Variants in RORB observed in about 807,000 individuals in gnomAD.
The protein encoded by RORB is nuclear receptor ROR-beta.
RORB carries 6 observed loss-of-function variants against 59.1 expected under a neutral mutation model. The ratio of observed to expected loss-of-function variants is 0.10; its 90% CI spans 0.06 to 0.20. The LOEUF (loss-of-function observed/expected upper bound fraction) is 0.20, where lower values mean the gene tolerates loss of function less well. Ranked by LOEUF, RORB falls within the 10% of genes least tolerant of loss-of-function variation. The pLI is 1.00. For synonymous variants in RORB, 215 were observed against 204.5 expected (o/e 1.05, Z -0.44); for missense variants, 320 against 560.5 (o/e 0.57, Z 4.33).
intron 1 of RORB, among the ~76,000 whole-genome samples, chr9:74,569,299 G>A (rs1240894983): frequency 6.6e-6 from 1 of 151,920 alleles, no homozygotes; most frequent in East Asian, 1.9e-4. Context: ...TACATGAGAT[G>A]CTTTTTTTAA....
At chr9:74,571,781 A>G (rs1822555927) in intron 1 of RORB, among the ~76,000 whole-genome samples, 1 of 152,152 alleles carries the variant, frequency 6.6e-6, no homozygotes. Flanking sequence ...GCAGATGTTA[A>G]ATATAGCCCT....
intron 8 of RORB, 45 bp downstream of exon 8, chr9:74,667,946 AC>A (rs750883541): frequency 8.4e-7 from 1 of 1,186,542 alleles, no homozygotes; most frequent in Non-Finnish European, 1.3e-6. Context: ...AACTTGTTTT[AC>A]TATTTTTAAC....
chr9:74,677,710 A>C (rs554238365), intron 9 of RORB, among the ~76,000 whole-genome samples: 224 of 152,302 alleles, frequency 1.5e-3, no homozygotes, highest in African/African-American at 5.0e-3. Flanking sequence ...CCTGAGCATT[A>C]CCTTCAGCTT....
intron 1 of RORB, among the ~76,000 whole-genome samples, chr9:74,609,563 C>A (rs568932204): frequency 1.3e-5 from 2 of 152,278 alleles, no homozygotes; most frequent in South Asian, 2.1e-4. Flanking sequence ...AATAAACATA[C>A]AATTGATAGC....
chr9:74,504,921 C>A (rs1825849890), intron 1 of RORB, among the ~76,000 whole-genome samples: 1 of 151,882 alleles, frequency 6.6e-6, no homozygotes, highest in Non-Finnish European at 1.5e-5. Flanking sequence ...ATATAGAATT[C>A]TTCTTTTAAA....
At chr9:74,604,892 G>A (rs1277351716) in intron 1 of RORB, among the ~76,000 whole-genome samples, 1 of 152,146 alleles carries the variant, frequency 6.6e-6, no homozygotes, top group Non-Finnish European at 1.5e-5. Context: ...TGAACAACTA[G>A]TAAGTGTTAA....
chr9:74,681,853 T>TA (rs1301356111), intron 9 of RORB, among the ~76,000 whole-genome samples: 1 of 152,196 alleles, frequency 6.6e-6, no homozygotes, highest in Non-Finnish European at 1.5e-5. Flanking sequence ...TCACAGTTAG[T>TA]AAAATAAGCA....
intron 1 of RORB, among the ~76,000 whole-genome samples, chr9:74,534,153 G>T (rs1826287902): frequency 6.6e-6 from 1 of 151,960 alleles, no homozygotes; most frequent in Non-Finnish European, 1.5e-5. Context: ...AAATGGCGAG[G>T]TTCATATACG....
At chr9:74,629,578 T>C (rs1357662802) in intron 1 of RORB, among the ~76,000 whole-genome samples, 1 of 152,172 alleles carries the variant, frequency 6.6e-6, no homozygotes, top group African/African-American at 2.4e-5. Context: ...TCAACAAAAA[T>C]GCCTTCATCT....
At position 74,497,880 on chromosome 9, in the gene RORB, C is replaced by T. The variant is rs1825735609; in HGVS notation, c.-97C>T. ...CTCGGCAGAGCAGCTCTTCGCCGAC[C>T]ACCTTCTTCACTCGTGCTGAGCGGG... On this transcript the variant is annotated 5_prime_UTR_variant, in exon 1 of 10. Coordinates refer to ENST00000376896, the MANE Select transcript of RORB (RefSeq NM_006914.4). 6.8e-7 allele frequency: 1 copy of T among 1,467,034 alleles called. No individual in the cohort carries two copies. The highest frequency in any genetic ancestry group is 9.4e-7 in the Non-Finnish European group (1 of 1,063,776). 90.9% of individuals were successfully genotyped at this position (1,467,034 alleles called of 1,614,324 possible). A position where few individuals can be genotyped will look rare whatever the true frequency, so the allele number is the denominator to read the frequency against.
intron 1 of RORB, among the ~76,000 whole-genome samples, chr9:74,591,605 C>T (rs1822894421): frequency 6.6e-6 from 1 of 152,090 alleles, no homozygotes; most frequent in Non-Finnish European, 1.5e-5. Context: ...TATTTTACTG[C>T]CCTAGTGTGA....
chr9:74,526,288 A>C (rs532847753), intron 1 of RORB, among the ~76,000 whole-genome samples: 1 of 151,976 alleles, frequency 6.6e-6, no homozygotes, highest in South Asian at 2.1e-4. Context: ...TAACTCACAC[A>C]CTTTCCCCTT....
At chr9:74,571,638 C>T (rs1822553739) in intron 1 of RORB, among the ~76,000 whole-genome samples, 1 of 151,832 alleles carries the variant, frequency 6.6e-6, no homozygotes, top group South Asian at 2.1e-4. Flanking sequence ...TTATTTTTTT[C>T]GTAATAGTAA....
chr9:74,653,458 TA>T (rs35021334), intron 4 of RORB, among the ~76,000 whole-genome samples: 387 of 141,646 alleles, frequency 2.7e-3, no homozygotes, highest in Middle Eastern at 3.6e-3. Context: ...CTTCCAACTT[TA>T]AAAAAAAAAA....
At chr9:74,554,027 G>A (rs1379005697) in intron 1 of RORB, among the ~76,000 whole-genome samples, 2 of 152,122 alleles carry the variant, frequency 1.3e-5, no homozygotes, top group African/African-American at 2.4e-5. Flanking sequence ...TGGAGATCGC[G>A]AATTCTCAGG....
At chr9:74,586,450 A>T (rs1050243523) in intron 1 of RORB, among the ~76,000 whole-genome samples, 4 of 152,160 alleles carry the variant, frequency 2.6e-5, no homozygotes, top group African/African-American at 9.7e-5. Flanking sequence ...GTAAGCCTAG[A>T]TGGTACCACT....
Position 74,667,832 on chromosome 9 carries a change from A to G in RORB, c.1042A>G (p.Asn348Asp), listed in dbSNP as rs1191547780. The G allele has an allele frequency of 1.2e-6, 2 of 1,613,786 alleles. No individual in the cohort carries two copies. The highest frequency in any genetic ancestry group is 2.2e-5 in the East Asian group (1 of 44,846). ...LVNEAFDFAK[N>D]LCSLQLTEEE... ...GAATGAAGCATTTGACTTTGCAAAG[A>G]ATTTGTGTTCCTTGCAGCTGACCGA... Residue 348 changes from asparagine to aspartate, a missense_variant, in exon 8 of 10, where the codon AAT (asparagine) becomes GAT (aspartate). Asn to Asp is a conservative substitution (Grantham distance 23). Transcript: ENST00000376896.
At chr9:74,679,596 A>G (rs2118568412) in intron 9 of RORB, among the ~76,000 whole-genome samples, 1 of 152,316 alleles carries the variant, frequency 6.6e-6, no homozygotes, top group East Asian at 1.9e-4. Flanking sequence ...ACTACGTGCC[A>G]GGTGCAAGGA....
At chr9:74,639,337 G>T (rs957276301) in intron 3 of RORB, among the ~76,000 whole-genome samples, 6 of 152,110 alleles carry the variant, frequency 3.9e-5, no homozygotes, top group African/African-American at 1.4e-4. Context: ...ACATGACCCT[G>T]GGCAGGATGC....
Sources: allele counts gnomAD v4.1 joint callset (sites outside exome capture counted in the v4.1 genomes callset), GRCh38; gene constraint gnomAD v4.1.1; transcripts MANE v1.5; gene names NCBI Gene and HGNC (gene_info 2026-07-23, HGNC 2026-07-21).